The following GPSM1 variants were observed in gnomAD, a reference collection of about 807,000 sequenced individuals.
The protein encoded by GPSM1 is G protein signaling modulator 1.
A neutral mutation model predicts 70.5 loss-of-function variants in GPSM1; 48 were observed. The observed-to-expected ratio is 0.68, with a 90% confidence interval of 0.54 to 0.87. GPSM1 has a LOEUF of 0.87. Ranked by LOEUF, GPSM1 falls within the 40% of genes least tolerant of loss-of-function variation. GPSM1 has a pLI of 0.00. For missense variants in GPSM1, 981 were observed against 972.6 expected (o/e 1.01, Z -0.11); for synonymous variants, 416 against 430.1 (o/e 0.97, Z 0.41).
intron 2 of GPSM1, among the ~76,000 whole-genome samples, chr9:136,335,596 G>A (rs938789398): frequency 1.3e-5 from 2 of 152,248 alleles, no homozygotes; most frequent in Admixed American, 1.3e-4. Flanking sequence ...TTAGCAGGAA[G>A]TTAGTTCTCC....
At position 136,341,996 on chromosome 9, in the gene GPSM1, G is replaced by T. The variant is rs1832403151; in HGVS notation, c.1207+1003G>T. On this transcript the variant is annotated intron_variant, in intron 9 of 13. Transcript: ENST00000440944. The surrounding 1 kb of genome is among the most constrained non-coding windows in gnomAD (Gnocchi z 6.7). ...ACAGTGCTCATGGGTTTCTGACGAT[G>T]ACCTCTCCTGGGAAATTGGGGGTGC... Among the ~76,000 whole-genome samples, 3 of 152,124 alleles carry T rather than the reference G, an allele frequency of 2.0e-5. No homozygotes were observed. The highest frequency in any genetic ancestry group is 6.5e-5 in the Admixed American group (1 of 15,268).
Position 136,335,959 on chromosome 9 carries a change from C to T in GPSM1, c.291-7C>T, listed in dbSNP as rs1832223189. 2 of 1,611,596 alleles carry T rather than the reference C, an allele frequency of 1.2e-6. No homozygotes were observed. The highest frequency in any genetic ancestry group is 2.7e-5 in the African/African-American group (2 of 74,924). The stretch of plus-strand genomic sequence containing the variant: ...AGCCTGACCCCTCACTCCTCCCTGC[C>T]ATCCAGGACCATCGGTGACCGCATG... On this transcript the variant is annotated splice_polypyrimidine_tract_variant and splice_region_variant and intron_variant, in intron 2 of 13. Transcript: ENST00000440944.
Position 136,355,991 on chromosome 9 carries a change from G to A in GPSM1, c.1612+145G>A, listed in dbSNP as rs146600179. ...CACCCTGTCACTGAGGGCGCCCTCC[G>A]CAGCCCCCACAGAGCAGCATCCCGG... On this transcript the variant is annotated intron_variant, in intron 12 of 13. Coordinates refer to ENST00000440944, the MANE Select transcript of GPSM1 (RefSeq NM_001145638.3). 1,352 of 666,106 alleles carry A rather than the reference G, an allele frequency of 2.0e-3. 13 individuals are homozygous for A. Among genetic ancestry groups the A allele is most frequent in the African/African-American group, 0.02 (1,102 of 55,028 alleles). 41.3% of individuals were successfully genotyped at this position (666,106 alleles called of 1,614,324 possible).
intron 11 of GPSM1, among the ~76,000 whole-genome samples, chr9:136,354,393 C>T (rs1832754239): frequency 6.6e-6 from 1 of 152,210 alleles, no homozygotes; most frequent in South Asian, 2.1e-4. Flanking sequence ...AGACAGCTGT[C>T]CGTCTCCTGG....
In GPSM1 at chr9:136,341,145, G is replaced by T; in HGVS notation, c.1207+152G>T. On this transcript the variant is annotated intron_variant, in intron 9 of 13. Transcript: ENST00000440944. This position sits in a 1 kb window ranked among gnomAD's most constrained non-coding sequence, Gnocchi z 6.7. ...CAAGCCAGTTCTTCTTGGCCTCAGGGACAGCACAGGCCTGAGGTTCACCCT... is the reference window on the plus strand; with the variant it reads ...CAAGCCAGTTCTTCTTGGCCTCAGGTACAGCACAGGCCTGAGGTTCACCCT... 6.5e-7 allele frequency: 1 copy of T among 1,550,070 alleles called. No individual in the cohort carries two copies. Among genetic ancestry groups the T allele is most frequent in the Non-Finnish European group, 8.7e-7 (1 of 1,146,866 alleles).
Position 136,341,631 on chromosome 9 carries a change from G to A in GPSM1, c.1207+638G>A. ...GGTGGGTGAGGGGCAGGCTTGGGGG[G>A]AGCAGCTGCCCCACCCATGTGTCCC... On this transcript the variant is annotated intron_variant, in intron 9 of 13. Transcript: ENST00000440944. This position sits in a 1 kb window ranked among gnomAD's most constrained non-coding sequence, Gnocchi z 6.7. 2.0e-6 allele frequency: 2 copies of A among 1,006,214 alleles called. No homozygotes were observed. The highest frequency in any genetic ancestry group is 2.4e-6 in the Non-Finnish European group (2 of 841,776). 62.3% of individuals were successfully genotyped at this position (1,006,214 alleles called of 1,614,324 possible).
rs782406008 is a variant in GPSM1 at position 136,356,465 on chromosome 9, C to A, written c.1736C>A (p.Thr579Asn). 4 of 1,611,768 alleles carry A rather than the reference C, an allele frequency of 2.5e-6. No homozygotes were observed. In the East Asian group the frequency reaches 8.9e-5, roughly 36 times the overall value. Residue 579 changes from threonine (T) to asparagine (N), a missense_variant, in exon 13 of 14, where the codon ACC becomes AAC. Transcript: ENST00000440944. ...SVGSLPGLRI[T>N]HSNAGHLRGH... ...GGCAGCCTGCCGGGGCTGCGAATCA[C>A]CCACAGCAATGCAGGGCACCTCCGA...
chr9:136,353,057 G>C, intron 11 of GPSM1: 1 of 984,084 alleles, frequency 1.0e-6, no homozygotes, highest in South Asian at 4.7e-5. Context: ...CTTTGGGCAG[G>C]GCGGTGGTGG....
In GPSM1 at chr9:136,359,102, C is replaced by G. The variant is rs1426773913; in HGVS notation, c.*882C>G. 1.3e-5 allele frequency: 2 copies of G among 152,358 alleles called. No individual in the cohort carries two copies. Among genetic ancestry groups the G allele is most frequent in the Non-Finnish European group, 2.9e-5 (2 of 68,072 alleles). The allele number at this position is 152,358 out of a possible 1,614,324, so 9.4% of individuals were successfully genotyped here. A position where few individuals can be genotyped will look rare whatever the true frequency, so the allele number is the denominator to read the frequency against. On this transcript the variant is annotated 3_prime_UTR_variant, in exon 14 of 14. Transcript: ENST00000440944. ...GCAGACCCCCCATATGAGAACCCCC[C>G]TCCTCCCACCAGCTGGGGGAGATGA...
intron 11 of GPSM1, among the ~76,000 whole-genome samples, chr9:136,350,426 G>T (rs1326048235): frequency 1.7e-4 from 26 of 152,212 alleles, no homozygotes; most frequent in Admixed American, 1.7e-3. Flanking sequence ...CAAGGGGTGG[G>T]TGGGAAGCCC....
chr9:136,357,258 G>C (rs556195585), intron 13 of GPSM1, among the ~76,000 whole-genome samples: 1 of 152,188 alleles, frequency 6.6e-6, no homozygotes, highest in Non-Finnish European at 1.5e-5. Context: ...TTGGGAACAG[G>C]CTGGGGGTGG....
At position 136,334,632 on chromosome 9, in the gene GPSM1, C is replaced by T. The variant is rs201534739; in HGVS notation, c.254C>T (p.Ala85Val). 4.3e-6 allele frequency: 7 copies of T among 1,612,476 alleles called. No individual in the cohort carries two copies. Among genetic ancestry groups the T allele is most frequent in the Non-Finnish European group, 5.9e-6 (7 of 1,179,912 alleles). Reference sequence around the variant, plus strand: ...TTCTACCTGAAGGAGCACGGCCGGGCGCTGGAATACCACAAGCATGACCTC... The same window carrying T: ...TTCTACCTGAAGGAGCACGGCCGGGTGCTGGAATACCACAAGCATGACCTC... The part of the protein sequence containing the change: ...AYFYLKEHGR[A>V]LEYHKHDLLL... Residue 85 changes from alanine (A) to valine (V), a missense_variant, in exon 2 of 14, where the codon GCG becomes GTG. Ala to Val is a moderately conservative substitution (Grantham distance 64, BLOSUM62 0). Coordinates refer to ENST00000440944, the MANE Select transcript of GPSM1 (RefSeq NM_001145638.3).
chr9:136,346,328 G>A (rs1045972533), intron 9 of GPSM1, among the ~76,000 whole-genome samples: 1 of 152,162 alleles, frequency 6.6e-6, no homozygotes, highest in African/African-American at 2.4e-5. Context: ...AGACCAGCCT[G>A]GGCCCCCAAG....
chr9:136,357,978 G>C (rs781803432), intron 13 of GPSM1, 36 bp from the exon 14 acceptor site: 4 of 1,555,668 alleles, frequency 2.6e-6, no homozygotes, highest in East Asian at 2.2e-5. Flanking sequence ...CTGGGGCTGG[G>C]GGGGTGAGGC....
At position 136,340,868 on chromosome 9, in the gene GPSM1, A is replaced by T. The variant is rs1554770089; in HGVS notation, c.1084-2A>T. On this transcript the variant is annotated splice_acceptor_variant, in intron 8 of 13. Coordinates refer to ENST00000440944, the MANE Select transcript of GPSM1 (RefSeq NM_001145638.3). LOFTEE classifies it high-confidence loss of function. The surrounding 1 kb of genome is among the most constrained non-coding windows in gnomAD (Gnocchi z 7.3). ...CCCGCTCCGCCACCCCACTCGCCGC[A>T]GATCGGGGACCGCCATGGGGAGCTC... 1 of 1,569,432 alleles carries T rather than the reference A, an allele frequency of 6.4e-7. No homozygotes were observed. Among genetic ancestry groups the T allele is most frequent in the Non-Finnish European group, 8.6e-7 (1 of 1,159,888 alleles).
chr9:136,357,124 G>A (rs1406938036), intron 13 of GPSM1, among the ~76,000 whole-genome samples: 1 of 152,226 alleles, frequency 6.6e-6, no homozygotes, highest in African/African-American at 2.4e-5. Context: ...GGTGAGCCAG[G>A]TAGGGTGGCC....
chr9:136,357,555 T>TG (rs1387285522), intron 13 of GPSM1, among the ~76,000 whole-genome samples: 4 of 152,116 alleles, frequency 2.6e-5, no homozygotes, highest in Admixed American at 1.3e-4. Context: ...GGGGAAGCCC[T>TG]GGGGGGCGCC....
chr9:136,336,347 G>A (rs1554769246), intron 3 of GPSM1, among the ~76,000 whole-genome samples: 1 of 152,024 alleles, frequency 6.6e-6, no homozygotes, highest in South Asian at 2.1e-4. Flanking sequence ...CGCCCCTCTC[G>A]GTGACCTCCC....
intron 6 of GPSM1, among the ~76,000 whole-genome samples, 192 bp downstream of exon 6, chr9:136,338,153 C>T (rs1215763082): frequency 1.3e-5 from 2 of 152,160 alleles, no homozygotes; most frequent in Non-Finnish European, 2.9e-5. Flanking sequence ...GTGGGGGAGC[C>T]GGCCTATGGG....
Sources: allele counts gnomAD v4.1 joint callset (sites outside exome capture counted in the v4.1 genomes callset), GRCh38; gene constraint gnomAD v4.1.1; non-coding constraint Gnocchi (gnomAD v3.1); transcripts MANE v1.5; gene names NCBI Gene and HGNC (gene_info 2026-07-23, HGNC 2026-07-21).